The following DPP10 variants were observed in gnomAD, a reference collection of about 807,000 sequenced individuals.
DPP10 encodes the protein inactive dipeptidyl peptidase 10.
In DPP10, 33 loss-of-function variants were observed where a neutral mutation model predicts 120.9. The observed-to-expected ratio is 0.27, with a 90% CI of 0.21 to 0.37. The LOEUF is 0.37. Ranked by LOEUF, DPP10 falls within the 10% of genes least tolerant of loss-of-function variation. The pLI is 1.00. For synonymous variants in DPP10, 337 were observed against 326.1 expected (o/e 1.03, Z -0.36); for missense variants, 816 against 942.8 (o/e 0.87, Z 1.76).
chr2:115,400,963 T>C (rs2068030969), intron 3 of DPP10, among the ~76,000 whole-genome samples: 1 of 152,142 alleles, frequency 6.6e-6, no homozygotes, highest in Admixed American at 6.5e-5. Flanking sequence ...AGTGAGTACT[T>C]AGGTGGGAAC....
At chr2:114,957,196 T>C (rs1224924292) in intron 1 of DPP10, among the ~76,000 whole-genome samples, 1 of 151,826 alleles carries the variant, frequency 6.6e-6, no homozygotes, top group Non-Finnish European at 1.5e-5. Context: ...GGGGCTAATA[T>C]CCTAAATATT....
intron 1 of DPP10, among the ~76,000 whole-genome samples, chr2:114,989,565 A>C (rs1212343891): frequency 6.6e-6 from 1 of 152,244 alleles, no homozygotes; most frequent in Non-Finnish European, 1.5e-5. Flanking sequence ...AATTTTGAGC[A>C]AATGGGTTAC....
intron 1 of DPP10, among the ~76,000 whole-genome samples, chr2:114,601,190 G>A (rs1692335874): frequency 6.6e-6 from 1 of 151,742 alleles, no homozygotes; most frequent in Non-Finnish European, 1.5e-5. Context: ...ACGTTGTAAT[G>A]GGTGGGCACA....
chr2:115,686,446 A>G (rs999429189), intron 5 of DPP10, among the ~76,000 whole-genome samples: 2 of 152,106 alleles, frequency 1.3e-5, no homozygotes, highest in South Asian at 2.1e-4. Context: ...CCAGAGGCTC[A>G]CAGGAACCTG....
At position 115,712,045 on chromosome 2, in the gene DPP10, T is replaced by C. The variant is rs570212702; in HGVS notation, c.577-15771T>C. Among the ~76,000 whole-genome samples the C allele has an allele frequency of 3.2e-3, 478 of 149,882 alleles. 1 individual carries two copies. Among genetic ancestry groups the C allele is most frequent in the Non-Finnish European group, 5.7e-3 (389 of 67,680 alleles). ...TCCATGGACTGGGGCAGGGGAGGGA[T>C]GGTTTTGGGAGATTTAAGAGCATTA... On this transcript the variant is annotated intron_variant, in intron 7 of 25. Coordinates refer to ENST00000410059, the MANE Select transcript of DPP10 (RefSeq NM_020868.6).
intron 1 of DPP10, among the ~76,000 whole-genome samples, chr2:114,451,233 A>G (rs1490937872): frequency 6.6e-6 from 1 of 152,242 alleles, no homozygotes; most frequent in East Asian, 1.9e-4. Context: ...ATGAAAGAAC[A>G]AACTCAGAAC....
In DPP10 at chr2:114,680,068, T is replaced by A. The variant is rs72826517; in HGVS notation, c.60+237230T>A. 1.0e-2 allele frequency among the ~76,000 whole-genome samples: 1,516 copies of A among 152,120 alleles called. 8 individuals carry two copies. Among genetic ancestry groups the A allele is most frequent in the Middle Eastern group, 0.027 (8 of 294 alleles). On this transcript the variant is annotated intron_variant, in intron 1 of 25. Transcript: ENST00000410059. ...TATCTCGAACACTTCTGTTGGCACA[T>A]CTGTACTTTTATAGAATCGTCTCTT...
At chr2:114,592,134 C>T (rs973805810) in intron 1 of DPP10, among the ~76,000 whole-genome samples, 1 of 152,038 alleles carries the variant, frequency 6.6e-6, no homozygotes, top group African/African-American at 2.4e-5. Flanking sequence ...GAGTTTCTTT[C>T]GAAAGTGTGA....
intron 1 of DPP10, among the ~76,000 whole-genome samples, chr2:114,956,339 C>T (rs1354200233): frequency 6.7e-6 from 1 of 148,742 alleles, no homozygotes; most frequent in Non-Finnish European, 1.5e-5. Context: ...ATCCCATTTA[C>T]AGTAGAATAA....
intron 3 of DPP10, among the ~76,000 whole-genome samples, chr2:115,393,597 C>T (rs2067469637): frequency 6.6e-6 from 1 of 152,080 alleles, no homozygotes; most frequent in Admixed American, 6.6e-5. Flanking sequence ...TCATTAAGGG[C>T]CAATACAGTT....
At chr2:115,731,187 G>A (rs1233419487) in intron 8 of DPP10, among the ~76,000 whole-genome samples, 6 of 152,020 alleles carry the variant, frequency 3.9e-5, no homozygotes, top group African/African-American at 9.7e-5. Context: ...GTGAAACCCC[G>A]TCTCTACTAA....
chr2:115,797,634 T>C (rs1466024737), intron 19 of DPP10, among the ~76,000 whole-genome samples: 7 of 152,010 alleles, frequency 4.6e-5, no homozygotes, highest in African/African-American at 7.2e-5. Flanking sequence ...CTGTAATACA[T>C]AGAAAATGAC....
intron 21 of DPP10, among the ~76,000 whole-genome samples, chr2:115,817,321 C>A (rs564104234): frequency 1.3e-5 from 2 of 152,234 alleles, no homozygotes; most frequent in East Asian, 1.9e-4. Flanking sequence ...AAAGCAAATT[C>A]TTGGTGTTCA....
chr2:115,133,613 G>A (rs2050495803), intron 1 of DPP10, among the ~76,000 whole-genome samples: 1 of 152,160 alleles, frequency 6.6e-6, no homozygotes, highest in African/African-American at 2.4e-5. Context: ...GAGGAATGCT[G>A]CTCTGAGAAG....
chr2:115,330,367 T>C (rs2062642947), intron 2 of DPP10, among the ~76,000 whole-genome samples: 1 of 151,414 alleles, frequency 6.6e-6, no homozygotes, highest in Admixed American at 6.6e-5. Flanking sequence ...GCAAAAATTT[T>C]CTCCCATTCT....
intron 1 of DPP10, among the ~76,000 whole-genome samples, chr2:115,044,682 T>C (rs1559029634): frequency 1.3e-5 from 2 of 152,146 alleles, no homozygotes; most frequent in Admixed American, 6.6e-5. Flanking sequence ...CAACCTGTTA[T>C]ACTATCAAAT....
intron 3 of DPP10, among the ~76,000 whole-genome samples, chr2:115,485,481 G>A (rs1239971905): frequency 6.6e-6 from 1 of 151,960 alleles, no homozygotes; most frequent in Admixed American, 6.6e-5. Flanking sequence ...TTAAGTATGT[G>A]AATTTTAATT....
At chr2:115,763,897 G>A (rs1316180566) in intron 12 of DPP10, among the ~76,000 whole-genome samples, 2 of 152,120 alleles carry the variant, frequency 1.3e-5, no homozygotes, top group African/African-American at 2.4e-5. Context: ...GTTTTCTCCA[G>A]TCTAGCTACA....
chr2:114,854,772 T>G (rs1689243316), intron 1 of DPP10, among the ~76,000 whole-genome samples: 1 of 152,224 alleles, frequency 6.6e-6, no homozygotes, highest in South Asian at 2.1e-4. Context: ...TCAGTGGCAC[T>G]TTCATTTCTT....
Sources: allele counts gnomAD v4.1 joint callset (sites outside exome capture counted in the v4.1 genomes callset), GRCh38; gene constraint gnomAD v4.1.1; transcripts MANE v1.5; gene names NCBI Gene and HGNC (gene_info 2026-07-23, HGNC 2026-07-21).